AMBRA1: variants seen among roughly 807,000 people sequenced by gnomAD.
AMBRA1 encodes the protein activating molecule in BECN1-regulated autophagy protein 1.
Under a neutral mutation model 125.4 loss-of-function variants are expected in AMBRA1, and 47 were observed. The observed-to-expected ratio is 0.37, with a 90% confidence interval of 0.30 to 0.48. AMBRA1 has a LOEUF of 0.48. AMBRA1 is among the 20% of genes least tolerant of loss of function. The probability of loss-of-function intolerance (pLI) is 0.99; values close to 1 mark genes in which losing one functional copy is unlikely to be tolerated. For synonymous variants in AMBRA1, 626 were observed against 655.5 expected, an observed-to-expected ratio of 0.95 and a Z score of 0.69; for missense variants, 1,331 against 1,693.4, an observed-to-expected ratio of 0.79 and a Z score of 3.76.
At chr11:46,577,984 A>G (rs2044019940) in intron 1 of AMBRA1, among the ~76,000 whole-genome samples, 1 of 152,104 alleles carries the variant, frequency 6.6e-6, no homozygotes, top group South Asian at 2.1e-4. Flanking sequence ...AAACGCTAGA[A>G]GCTGAGTGTG....
At chr11:46,579,209 G>A (rs1314954358) in intron 1 of AMBRA1, among the ~76,000 whole-genome samples, 2 of 152,296 alleles carry the variant, frequency 1.3e-5, no homozygotes, top group East Asian at 3.9e-4. Context: ...TGTAATCCCA[G>A]CACTTTGGGA....
At chr11:46,428,092 A>G (rs1428470121) in intron 14 of AMBRA1, among the ~76,000 whole-genome samples, 1 of 151,318 alleles carries the variant, frequency 6.6e-6, no homozygotes, top group Non-Finnish European at 1.5e-5. Flanking sequence ...GGGGAGGCAT[A>G]TTGCTAGCGC....
intron 16 of AMBRA1, among the ~76,000 whole-genome samples, chr11:46,409,712 C>A (rs1378496803): frequency 2.0e-5 from 3 of 152,266 alleles, no homozygotes; most frequent in African/African-American, 7.2e-5. Flanking sequence ...ACCAGACACT[C>A]ACATTTCTAG....
chr11:46,507,016 A>G (rs1337011840), intron 9 of AMBRA1, among the ~76,000 whole-genome samples: 2 of 146,864 alleles, frequency 1.4e-5, no homozygotes, highest in Non-Finnish European at 3.0e-5. Context: ...ATACAAAAAA[A>G]AAAAAAAAAA....
intron 14 of AMBRA1, among the ~76,000 whole-genome samples, chr11:46,423,129 A>G (rs1471912433): frequency 6.6e-6 from 1 of 152,216 alleles, no homozygotes; most frequent in African/African-American, 2.4e-5. Flanking sequence ...TTTCCATTGG[A>G]AATGGATGGC....
chr11:46,478,445 A>G (rs1949910339), intron 11 of AMBRA1, among the ~76,000 whole-genome samples: 1 of 152,148 alleles, frequency 6.6e-6, no homozygotes, highest in Non-Finnish European at 1.5e-5. Flanking sequence ...GCTCTTTTGC[A>G]CATCTTTTTA....
chr11:46,573,429 A>C (rs993363407), intron 1 of AMBRA1, among the ~76,000 whole-genome samples: 2 of 151,492 alleles, frequency 1.3e-5, no homozygotes, highest in African/African-American at 2.4e-5. Flanking sequence ...AAAAAAAAAA[A>C]CTCAGTCCAT....
intron 14 of AMBRA1, 114 bp from the exon 15 acceptor site, chr11:46,418,166 T>A: frequency 1.0e-6 from 1 of 982,582 alleles, no homozygotes; most frequent in Non-Finnish European, 1.3e-6. Flanking sequence ...GTGGTTAGGC[T>A]GGGAACAGGA....
rs769562980 is a variant in AMBRA1 at position 46,542,530 on chromosome 11, C to T, written c.1487G>A (p.Arg496His). ...GSSQNNSGSIRHELQCDLRRF... is the reference protein window; with the variant it reads ...GSSQNNSGSIHHELQCDLRRF... ...TCTCAGGTCACACTGAAGCTCATGGCGAATGCTGCCCGAGTTGTTTTGGCT... is the reference window on the plus strand; with the variant it reads ...TCTCAGGTCACACTGAAGCTCATGGTGAATGCTGCCCGAGTTGTTTTGGCT... The change falls in exon 7 of 18, where the codon CGC becomes CAC. Residue 496 changes from arginine to histidine, a missense_variant. Physicochemically the swap from Arg to His is conservative, Grantham distance 29. Coordinates refer to ENST00000683756, the MANE Select transcript of AMBRA1 (RefSeq NM_001387011.1). The surrounding 1 kb of genome is among the most constrained non-coding windows in gnomAD (Gnocchi z 5.9). 10 of 1,613,036 alleles carry T rather than the reference C, an allele frequency of 6.2e-6. No individual in the cohort carries two copies. The highest frequency in any genetic ancestry group is 8.5e-6 in the Non-Finnish European group (10 of 1,180,042).
chr11:46,562,950 G>A (rs2043388330), intron 1 of AMBRA1, among the ~76,000 whole-genome samples: 2 of 151,946 alleles, frequency 1.3e-5, no homozygotes, highest in Admixed American at 6.6e-5. Context: ...ACAGGCACAT[G>A]CCACCACACC....
chr11:46,505,981 G>A (rs575099961), intron 9 of AMBRA1, among the ~76,000 whole-genome samples: 63 of 152,294 alleles, frequency 4.1e-4, no homozygotes, highest in African/African-American at 1.5e-3. Context: ...GGGCTCCACA[G>A]CATTAGTGAG....
At chr11:46,560,059 T>C (rs1453971617) in intron 1 of AMBRA1, among the ~76,000 whole-genome samples, 1 of 152,180 alleles carries the variant, frequency 6.6e-6, no homozygotes, top group Non-Finnish European at 1.5e-5. Flanking sequence ...ACAGTGATTA[T>C]AAAAAGCCAC....
At position 46,397,752 on chromosome 11, in the gene AMBRA1, C is replaced by G. The variant is rs1167506014; in HGVS notation, c.3595G>C (p.Gly1199Arg). 7.4e-6 allele frequency: 12 copies of G among 1,612,578 alleles called. No homozygotes were observed. The highest frequency in any genetic ancestry group is 1.0e-5 in the Non-Finnish European group (12 of 1,180,004). ...HRSSQTGTEP[G>R]AAHTSSPQPS... ...TGGGGTGAGGAGGTGTGGGCGGCAC[C>G]AGGTTCAGTGCCCGTCTGAGAGCTG... The change falls in exon 18 of 18, where the codon GGT becomes CGT. Residue 1199 changes from glycine (G) to arginine (R), a missense_variant. Around this residue, in one of 4 missense-constraint regions of AMBRA1, gnomAD observed 144 missense variants for 133.9 expected, o/e 1.08. Transcript: ENST00000683756.
At chr11:46,474,742 A>G (rs1329819408) in intron 11 of AMBRA1, among the ~76,000 whole-genome samples, 1 of 152,210 alleles carries the variant, frequency 6.6e-6, no homozygotes, top group African/African-American at 2.4e-5. Flanking sequence ...AGAGGGGGAA[A>G]TCCAGAAAGG....
intron 1 of AMBRA1, among the ~76,000 whole-genome samples, chr11:46,592,825 C>T (rs188829581): frequency 3.9e-5 from 6 of 152,200 alleles, no homozygotes; most frequent in Non-Finnish European, 8.8e-5. Context: ...AAAGCAGACC[C>T]TCACAGGACA....
At chr11:46,410,190 A>T in intron 16 of AMBRA1, 86 bp downstream of exon 16, 1 of 1,247,016 alleles carries the variant, frequency 8.0e-7, no homozygotes, top group Non-Finnish European at 1.2e-6. Context: ...CCAGAGCCCT[A>T]GAGGGCGCTG....
intron 11 of AMBRA1, among the ~76,000 whole-genome samples, chr11:46,453,517 T>C (rs1948716126): frequency 6.6e-6 from 1 of 152,202 alleles, no homozygotes; most frequent in Non-Finnish European, 1.5e-5. Context: ...GTAGTTTTTA[T>C]TTTATAGAAA....
At chr11:46,540,390 T>G (rs979647349) in intron 7 of AMBRA1, among the ~76,000 whole-genome samples, 1 of 152,160 alleles carries the variant, frequency 6.6e-6, no homozygotes, top group Admixed American at 6.6e-5. Context: ...TCACCACTCT[T>G]GGCAAAGAGG....
rs368255467 is a variant in AMBRA1 at position 46,432,970 on chromosome 11, G to T, written c.2976+504C>A. Among the ~76,000 whole-genome samples the T allele has an allele frequency of 6.6e-5, 10 of 152,182 alleles. No homozygotes were observed. The East Asian group carries it at 1.9e-3, about 29-fold the overall frequency. ...GAGAGACGTGCCTTAGACAAGACAGGGTCCTAGACAGGACCTTTTCTCCAC... is the reference window on the plus strand; with the variant it reads ...GAGAGACGTGCCTTAGACAAGACAGTGTCCTAGACAGGACCTTTTCTCCAC... On this transcript the variant is annotated intron_variant, in intron 14 of 17. Coordinates refer to ENST00000683756, the MANE Select transcript of AMBRA1 (RefSeq NM_001387011.1).
Sources: allele counts gnomAD v4.1 joint callset (sites outside exome capture counted in the v4.1 genomes callset), GRCh38; gene constraint gnomAD v4.1.1; regional missense constraint gnomAD v4.1.1; non-coding constraint Gnocchi (gnomAD v3.1); transcripts MANE v1.5; gene names NCBI Gene and HGNC (gene_info 2026-07-23, HGNC 2026-07-21).